Variants in COL18A1 observed in about 807,000 individuals in gnomAD.
COL18A1 encodes collagen alpha-1(XVIII) chain.
COL18A1 carries 133 observed loss-of-function variants against 168.0 expected under a neutral mutation model. The observed-to-expected ratio is 0.79, with a 90% CI of 0.69 to 0.91. The LOEUF (loss-of-function observed/expected upper bound fraction) is 0.91, where lower values mean the gene tolerates loss of function less well. COL18A1 is among the 40% of genes least tolerant of loss of function. The pLI is 0.00. For synonymous variants in COL18A1, 949 were observed against 809.0 expected (o/e 1.17, Z -2.94); for missense variants, 2,126 against 1,925.4 (o/e 1.10, Z -1.95).
intron 2 of COL18A1, among the ~76,000 whole-genome samples, chr21:45,409,595 C>A (rs1047884804): frequency 3.3e-5 from 5 of 152,148 alleles, no homozygotes; most frequent in African/African-American, 1.2e-4. Flanking sequence ...CGGTCACAGG[C>A]CAGAGCCCTG....
Position 45,494,760 on chromosome 21 carries a change from G to C in COL18A1, c.2380-102G>C, listed in dbSNP as rs1307964118. On this transcript the variant is annotated intron_variant, in intron 27 of 41. Coordinates refer to ENST00000651438, the MANE Select transcript of COL18A1 (RefSeq NM_001379500.1). ...TCCTCCGAGCTGATGGGTGGCCCAG[G>C]GTGCTGTGCTCTGCATGGCCCCTCC... 5.4e-6 allele frequency: 7 copies of C among 1,288,834 alleles called. No homozygotes were observed. The Admixed American group carries it at 1.4e-4, about 25-fold the overall frequency. 79.8% of individuals were successfully genotyped at this position (1,288,834 alleles called of 1,614,324 possible).
At chr21:45,493,264 A>AC (rs1274049493) in intron 25 of COL18A1, 39 bp downstream of exon 25, 4 of 1,547,868 alleles carry the variant, frequency 2.6e-6, no homozygotes, top group Non-Finnish European at 3.5e-6. Flanking sequence ...CCCCTTTGTG[A>AC]CCCAGGGGTG....
intron 19 of COL18A1, among the ~76,000 whole-genome samples, 176 bp from the exon 20 acceptor site, chr21:45,490,099 T>C (rs370645412): frequency 0.051 from 269 of 5,300 alleles, 22 homozygotes; most frequent in South Asian, 0.15. Flanking sequence ...CCCCTCCCCC[T>C]GACTCCCCCC....
At chr21:45,429,835 T>C (rs7275991) in intron 2 of COL18A1, among the ~76,000 whole-genome samples, 11,863 of 152,184 alleles carry the variant, frequency 0.078, 824 homozygotes, top group African/African-American at 0.19. Flanking sequence ...CCGCCTTGGT[T>C]CAGCAGAACG....
chr21:45,450,895 G>A lies in COL18A1; in HGVS notation c.107-17347G>A, dbSNP rs560933360. ...AGTGGTGAGCCCTCGATGGCTGTGC[G>A]GACACCAGAGGCTGAGGGAGGACAC... On this transcript the variant is annotated intron_variant, in intron 2 of 41. Transcript: ENST00000651438. Among the ~76,000 whole-genome samples the A allele has an allele frequency of 7.0e-4, 107 of 152,350 alleles. 1 individual carries two copies. The highest frequency in any genetic ancestry group is 2.3e-3 in the African/African-American group (94 of 41,578).
intron 2 of COL18A1, among the ~76,000 whole-genome samples, chr21:45,418,882 G>A (rs2033535413): frequency 6.6e-6 from 1 of 152,212 alleles, no homozygotes; most frequent in African/African-American, 2.4e-5. Flanking sequence ...CTTGTGTCAT[G>A]TGGAACCAGC....
intron 1 of COL18A1, 59 bp from the exon 2 acceptor site, chr21:45,405,320 C>G (rs185357103): frequency 2.6e-6 from 1 of 385,144 alleles, no homozygotes; most frequent in East Asian, 9.4e-5. Context: ...GGGGCTCGGC[C>G]GGGTCCTGCG....
intron 32 of COL18A1, among the ~76,000 whole-genome samples, chr21:45,500,095 ATGTGGGTGTGCTGAGTGTG>A (rs2036689626): frequency 7.0e-6 from 1 of 142,074 alleles, no homozygotes; most frequent in African/African-American, 2.7e-5. Flanking sequence ...GAGTGTGTGT[ATGTGGGTGTGCTGAGTGTG>A]TGCAGTGTGG....
intron 2 of COL18A1, chr21:45,422,596 G>A (rs746007237): frequency 2.7e-5 from 12 of 438,848 alleles, no homozygotes; most frequent in Non-Finnish European, 5.2e-5. Context: ...GGGTCTCAGG[G>A]CACAGTGGGT....
chr21:45,480,523 G>C lies in COL18A1; in HGVS notation c.1452+3G>C, dbSNP rs748096473. ...GGGGCGATCTGGAGGCCCTGCGGGT[G>C]AGTGGCCCTTAAACTGCAGCGCTGC... On this transcript the variant is annotated splice_donor_region_variant and intron_variant, in intron 12 of 41. Transcript: ENST00000651438. The C allele has an allele frequency of 6.2e-7, 1 of 1,614,122 alleles. No homozygotes were observed. Among genetic ancestry groups the C allele is most frequent in the Non-Finnish European group, 8.5e-7 (1 of 1,180,028 alleles).
intron 15 of COL18A1, 126 bp from the exon 16 acceptor site, chr21:45,486,735 C>A: frequency 2.8e-6 from 3 of 1,079,582 alleles, no homozygotes; most frequent in Non-Finnish European, 3.9e-6. Context: ...CGTTGCTTGG[C>A]AGAATGTTCC....
chr21:45,509,936 C>T (rs552095501), intron 39 of COL18A1, 128 bp from the exon 40 acceptor site: 43 of 1,082,834 alleles, frequency 4.0e-5, no homozygotes, highest in African/African-American at 1.6e-4. Context: ...GTGTCACTTG[C>T]GCGCCTCCCG....
intron 3 of COL18A1, among the ~76,000 whole-genome samples, chr21:45,472,844 C>G (rs1264945099): frequency 1.3e-5 from 2 of 151,958 alleles, no homozygotes; most frequent in Non-Finnish European, 2.9e-5. Flanking sequence ...TACGTGATCT[C>G]ATGTTTGCAC....
At chr21:45,452,616 T>C (rs1209682932) in intron 2 of COL18A1, among the ~76,000 whole-genome samples, 1 of 150,232 alleles carries the variant, frequency 6.7e-6, no homozygotes, top group Non-Finnish European at 1.5e-5. Context: ...CATGTGAGCA[T>C]TTGTATCTGA....
chr21:45,480,822 T>A lies in COL18A1; in HGVS notation c.1575T>A (p.Pro525=). ...GACCCGCCGGCCTTCCTGGTGTGCC[T>A]GGGCGCGAGGGTCCCCCCGGGTTTC... The part of the protein sequence containing the change: ...VPGPAGLPGV[P]GREGPPGFPG... Residue 525 remains proline, a synonymous_variant, in exon 13 of 42, where the codon CCT becomes CCA. Transcript: ENST00000651438. 3 of 1,611,946 alleles carry A rather than the reference T, an allele frequency of 1.9e-6. No homozygotes were observed. The highest frequency in any genetic ancestry group is 2.5e-6 in the Non-Finnish European group (3 of 1,179,684).
chr21:45,478,249 G>T, intron 8 of COL18A1, 78 bp from the exon 9 acceptor site: 7 of 1,584,676 alleles, frequency 4.4e-6, no homozygotes, highest in African/African-American at 1.3e-5. Context: ...GGAGCGTGGG[G>T]TGCATTTCCA....
Position 45,441,863 on chromosome 21 carries a change from G to A in COL18A1, c.107-26379G>A, listed in dbSNP as rs183611927. Among the ~76,000 whole-genome samples, 41 of 152,306 alleles carry A rather than the reference G, an allele frequency of 2.7e-4. No homozygotes were observed. In the East Asian group the frequency reaches 7.9e-3, roughly 29 times the overall value. ...GAACACGGCTCTCTCCATAAAGGAG[G>A]GACTCCCCATGCCACTCCCAAGGCC... On this transcript the variant is annotated intron_variant, in intron 2 of 41. Coordinates refer to ENST00000651438, the MANE Select transcript of COL18A1 (RefSeq NM_001379500.1).
intron 32 of COL18A1, 183 bp from the exon 33 acceptor site, chr21:45,503,828 G>C (rs946045594): frequency 7.8e-5 from 33 of 425,126 alleles, no homozygotes; most frequent in Non-Finnish European, 1.2e-4. Context: ...AAATAAAAAG[G>C]CACCATTAAC....
At position 45,506,074 on chromosome 21, in the gene COL18A1, G is replaced by A. The variant is rs905841398; in HGVS notation, c.3216+108G>A. The A allele has an allele frequency of 6.5e-6, 10 of 1,534,192 alleles. No individual in the cohort carries two copies. The Admixed American group carries it at 1.7e-4, about 26-fold the overall frequency. On this transcript the variant is annotated intron_variant, in intron 37 of 41. Coordinates refer to ENST00000651438, the MANE Select transcript of COL18A1 (RefSeq NM_001379500.1). The stretch of plus-strand genomic sequence containing the variant: ...GCCCCGGACAGGGATGGGAGCAGGT[G>A]GCAGCCAGCGCTTCTTAAACTTTCA...
Sources: allele counts gnomAD v4.1 joint callset (sites outside exome capture counted in the v4.1 genomes callset), GRCh38; gene constraint gnomAD v4.1.1; transcripts MANE v1.5; gene names NCBI Gene and HGNC (gene_info 2026-07-23, HGNC 2026-07-21).